Variants in APP observed in about 807,000 individuals in gnomAD.
The protein encoded by APP is amyloid beta precursor protein.
Under a neutral mutation model 101.4 loss-of-function variants are expected in APP, and 31 were observed. That is an observed-to-expected ratio of 0.31 (90% CI 0.23 to 0.41). The LOEUF is 0.41. APP is among the 10% of genes least tolerant of loss of function. The pLI is 1.00. For missense variants in APP, 839 were observed against 1,003.7 expected (o/e 0.84, Z 2.22); for synonymous variants, 366 against 364.4 (o/e 1.00, Z -0.05).
chr21:25,938,831 C>A (rs770472750), intron 13 of APP, among the ~76,000 whole-genome samples: 2 of 152,112 alleles, frequency 1.3e-5, no homozygotes, highest in Non-Finnish European at 2.9e-5. Context: ...ATGGAAAGCT[C>A]GAGCTAGGAC....
chr21:25,969,486 G>A (rs2041927983), intron 11 of APP, among the ~76,000 whole-genome samples: 1 of 151,554 alleles, frequency 6.6e-6, no homozygotes, highest in African/African-American at 2.4e-5. Flanking sequence ...TAACAAAAAT[G>A]GCAAGTAATG....
In APP at chr21:26,081,292, C is replaced by A. The variant is rs141744701; in HGVS notation, c.355+8651G>T. The stretch of plus-strand genomic sequence containing the variant: ...GCTGTTTATTTCACCTGGGTGCAGG[C>A]AGGCTGAGTCCGAAAAAGAGTCAGG... On this transcript the variant is annotated intron_variant, in intron 3 of 17. Transcript: ENST00000346798. 4.8e-4 allele frequency among the ~76,000 whole-genome samples: 69 copies of A among 144,536 alleles called. No homozygotes were observed. In the East Asian group the frequency reaches 0.013, roughly 26 times the overall value. 94.8% of individuals were successfully genotyped at this position (144,536 alleles called of 152,430 possible).
intron 6 of APP, among the ~76,000 whole-genome samples, chr21:26,020,814 A>G (rs938328175): frequency 6.6e-6 from 1 of 152,194 alleles, no homozygotes. Flanking sequence ...TGGTCATTTA[A>G]TATCAACTGA....
At position 25,881,591 on chromosome 21, in the gene APP, A is replaced by T; in HGVS notation, c.*79T>A. 4.7e-6 allele frequency: 7 copies of T among 1,492,686 alleles called. No individual in the cohort carries two copies. The highest frequency in any genetic ancestry group is 6.5e-6 in the Non-Finnish European group (7 of 1,071,920). The allele number at this position is 1,492,686 out of a possible 1,614,324, so 92.5% of individuals were successfully genotyped here. ...ATAAAACGGGTTTGTTTCTTCCCAC[A>T]TTATTCTATAAATGGACACCGATGG... On this transcript the variant is annotated 3_prime_UTR_variant, in exon 18 of 18. Coordinates refer to ENST00000346798, the MANE Select transcript of APP (RefSeq NM_000484.4).
chr21:26,040,031 A>G (rs2045301758), intron 5 of APP, among the ~76,000 whole-genome samples: 1 of 152,132 alleles, frequency 6.6e-6, no homozygotes, highest in African/African-American at 2.4e-5. Context: ...TACATATAAG[A>G]TATGTTGGAG....
At chr21:26,170,487 G>C (rs906772803) in intron 1 of APP, 77 bp downstream of exon 1, 7 of 1,461,308 alleles carry the variant, frequency 4.8e-6, no homozygotes, top group Middle Eastern at 1.7e-4. Context: ...CTGCATTAAA[G>C]ACTTGGGTTA....
intron 3 of APP, among the ~76,000 whole-genome samples, chr21:26,074,628 G>C (rs1204361070): frequency 1.3e-5 from 2 of 152,144 alleles, no homozygotes; most frequent in African/African-American, 4.8e-5. Context: ...GCGTGTGCCT[G>C]TAGTCCTAGC....
At chr21:25,976,996 T>C (rs1248172917) in intron 9 of APP, among the ~76,000 whole-genome samples, 1 of 152,208 alleles carries the variant, frequency 6.6e-6, no homozygotes, top group East Asian at 1.9e-4. Flanking sequence ...GTTCTTGGAC[T>C]TCCCCACCTG....
chr21:26,065,011 G>A (rs1226801330), intron 3 of APP, among the ~76,000 whole-genome samples: 1 of 152,120 alleles, frequency 6.6e-6, no homozygotes, highest in Non-Finnish European at 1.5e-5. Context: ...GCGCCACCAC[G>A]CCCAGCTGGT....
Position 26,003,783 on chromosome 21 carries a change from C to G in APP, c.866-3601G>C, listed in dbSNP as rs2043395201. ...TATAATTCCCCCAATTGTCAGCAACCCTGATTCCCCATCACCTCAACTCTC... is the reference window on the plus strand; with the variant it reads ...TATAATTCCCCCAATTGTCAGCAACGCTGATTCCCCATCACCTCAACTCTC... On this transcript the variant is annotated intron_variant, in intron 6 of 17. Coordinates refer to ENST00000346798, the MANE Select transcript of APP (RefSeq NM_000484.4). Among the ~76,000 whole-genome samples, 3 of 152,152 alleles carry G rather than the reference C, an allele frequency of 2.0e-5. 1 individual carries two copies. The South Asian group carries it at 6.2e-4, about 32-fold the overall frequency.
At chr21:26,132,367 T>C (rs2062813739) in intron 1 of APP, among the ~76,000 whole-genome samples, 1 of 152,240 alleles carries the variant, frequency 6.6e-6, no homozygotes, top group Non-Finnish European at 1.5e-5. Context: ...ATTAAATCTG[T>C]ACTTTGCACC....
At chr21:26,028,626 T>C (rs1421944441) in intron 5 of APP, among the ~76,000 whole-genome samples, 1 of 152,160 alleles carries the variant, frequency 6.6e-6, no homozygotes, top group Non-Finnish European at 1.5e-5. Context: ...TATGTACAAA[T>C]TGATGATAAT....
intron 8 of APP, among the ~76,000 whole-genome samples, chr21:25,992,369 C>T (rs993606192): frequency 2.7e-5 from 4 of 145,798 alleles, no homozygotes; most frequent in African/African-American, 1.1e-4. Flanking sequence ...GCCTGGGCAA[C>T]AGAGCGAGAC....
chr21:26,105,956 C>T (rs1416104964), intron 2 of APP, among the ~76,000 whole-genome samples: 1 of 152,198 alleles, frequency 6.6e-6, no homozygotes, highest in Non-Finnish European at 1.5e-5. Context: ...CATCACACGG[C>T]CACACCCACA....
intron 1 of APP, among the ~76,000 whole-genome samples, chr21:26,154,058 T>C (rs971573753): frequency 1.3e-5 from 2 of 152,200 alleles, no homozygotes; most frequent in African/African-American, 4.8e-5. Flanking sequence ...GCTTTCCACA[T>C]TTGCTTACAT....
intron 15 of APP, among the ~76,000 whole-genome samples, chr21:25,902,369 C>T (rs980314334): frequency 5.9e-5 from 9 of 152,196 alleles, no homozygotes; most frequent in East Asian, 1.9e-4. Context: ...CTACAAAACA[C>T]GGGGAAATTA....
chr21:25,976,657 C>G (rs1186073016), intron 9 of APP, among the ~76,000 whole-genome samples: 2 of 152,152 alleles, frequency 1.3e-5, no homozygotes, highest in African/African-American at 4.8e-5. Context: ...CCAAAAACTC[C>G]AAGAAAACAT....
rs771550782 is a variant in APP at position 26,021,831 on chromosome 21, G to A, written c.865+9C>T. 3 of 1,612,448 alleles carry A rather than the reference G, an allele frequency of 1.9e-6. No individual in the cohort carries two copies. In the African/African-American group the frequency reaches 4.0e-5, roughly 22 times the overall value. ...GGGGTGGGGGGAATCCAAGCAAATG[G>A]TGGATTACCTCGAACCACCTCTTCC... On this transcript the variant is annotated intron_variant, in intron 6 of 17. Coordinates refer to ENST00000346798, the MANE Select transcript of APP (RefSeq NM_000484.4).
At chr21:25,983,655 G>A (rs563308629) in intron 8 of APP, among the ~76,000 whole-genome samples, 3 of 152,054 alleles carry the variant, frequency 2.0e-5, no homozygotes, top group South Asian at 2.1e-4. Context: ...AGAAACATTC[G>A]TTTTGATTTT....
Sources: gnomAD v4.1 joint callset for allele counts (sites outside exome capture counted in the v4.1 genomes callset) on GRCh38, gnomAD v4.1.1 for gene constraint, MANE v1.5 for transcripts, NCBI Gene and HGNC (gene_info 2026-07-23, HGNC 2026-07-21) for gene names.